DMXL2: variants seen among roughly 807,000 people sequenced by gnomAD.
DMXL2 encodes the protein dmX-like protein 2.
Under a neutral mutation model 331.1 loss-of-function variants are expected in DMXL2, and 103 were observed. That is an observed-to-expected ratio of 0.31 (90% CI 0.27 to 0.37). DMXL2 has a LOEUF of 0.37. DMXL2 is among the 10% of genes least tolerant of loss of function. The pLI is 1.00. For synonymous variants in DMXL2, 1,281 were observed against 1,252.1 expected, an observed-to-expected ratio of 1.02 and a Z score of -0.49; for missense variants, 3,171 against 3,642.9, an observed-to-expected ratio of 0.87 and a Z score of 3.33.
intron 13 of DMXL2, among the ~76,000 whole-genome samples, chr15:51,528,596 A>G (rs1445004145): frequency 6.6e-6 from 1 of 152,182 alleles, no homozygotes; most frequent in African/African-American, 2.4e-5. Flanking sequence ...ATGTATATGC[A>G]CCCAACACTG....
intron 15 of DMXL2, among the ~76,000 whole-genome samples, chr15:51,510,454 T>C (rs1426332183): frequency 2.0e-5 from 3 of 152,138 alleles, no homozygotes; most frequent in African/African-American, 2.4e-5. Context: ...CCATTCACAA[T>C]TGCTACAATG....
chr15:51,568,651 A>G (rs1596289661), intron 2 of DMXL2, 93 bp from the exon 3 acceptor site: 1 of 789,450 alleles, frequency 1.3e-6, no homozygotes, highest in Non-Finnish European at 2.0e-6. Context: ...ATTACATATA[A>G]TCTCAATACA....
chr15:51,568,621 T>G (rs879768822), intron 2 of DMXL2, 63 bp from the exon 3 acceptor site: 25 of 1,060,420 alleles, frequency 2.4e-5, no homozygotes, highest in Non-Finnish European at 3.3e-5. Context: ...ATCTTCCTTT[T>G]CATAATAATG....
At chr15:51,496,984 C>T (rs1369779654) in intron 18 of DMXL2, among the ~76,000 whole-genome samples, 9 of 152,158 alleles carry the variant, frequency 5.9e-5, no homozygotes, top group Non-Finnish European at 1.3e-4. Context: ...TTCTATATTG[C>T]TTAGCCAATG....
chr15:51,594,668 AAATACTGGCAAACC>A (rs2052655445), intron 1 of DMXL2, among the ~76,000 whole-genome samples: 2 of 152,192 alleles, frequency 1.3e-5, no homozygotes, highest in Non-Finnish European at 2.9e-5. Flanking sequence ...ATCCTCAATA[AAATACTGGCAAACC>A]AAATCCAGCA....
At position 51,456,117 on chromosome 15, in the gene DMXL2, T is replaced by C. The variant is rs1191223729; in HGVS notation, c.8475A>G (p.Gln2825=). 2.5e-6 allele frequency: 4 copies of C among 1,614,238 alleles called. No homozygotes were observed. Among genetic ancestry groups the C allele is most frequent in the South Asian group, 1.1e-5 (1 of 91,086 alleles). Reference sequence around the variant, plus strand: ...ATCTAGTAACTCTTGCATTGCCAGCTTGACGAAAGCAGACAAGTTGCTGAG... The same window carrying C: ...ATCTAGTAACTCTTGCATTGCCAGCCTGACGAAAGCAGACAAGTTGCTGAG... The part of the protein sequence containing the change: ...TRPQQLVCFR[Q]AGNARVTRLY... Residue 2825 remains glutamine (Q), a synonymous_variant, in exon 39 of 44, where the codon CAA becomes CAG. Transcript: ENST00000560891.
intron 1 of DMXL2, among the ~76,000 whole-genome samples, chr15:51,586,603 T>A (rs1380837982): frequency 1.3e-5 from 2 of 152,090 alleles, no homozygotes; most frequent in African/African-American, 4.8e-5. Flanking sequence ...ACTAGCCAAT[T>A]TTGATAATTT....
chr15:51,492,078 G>C (rs1179880301), intron 19 of DMXL2, among the ~76,000 whole-genome samples: 1 of 152,192 alleles, frequency 6.6e-6, no homozygotes, highest in Non-Finnish European at 1.5e-5. Flanking sequence ...AATTTATCAA[G>C]AGGTCATAAG....
intron 6 of DMXL2, among the ~76,000 whole-genome samples, chr15:51,558,688 T>C (rs2049758604): frequency 6.6e-6 from 1 of 152,158 alleles, no homozygotes; most frequent in African/African-American, 2.4e-5. Context: ...CAGTAAAATT[T>C]AACGTTTCTA....
chr15:51,494,746 C>T (rs1371623949), intron 19 of DMXL2, among the ~76,000 whole-genome samples: 3 of 152,176 alleles, frequency 2.0e-5, no homozygotes, highest in African/African-American at 7.2e-5. Context: ...TAGACAGCCA[C>T]TTTGGGTTAC....
intron 17 of DMXL2, among the ~76,000 whole-genome samples, 172 bp from the exon 18 acceptor site, chr15:51,500,403 T>C (rs2043505757): frequency 6.6e-6 from 1 of 152,234 alleles, no homozygotes; most frequent in African/African-American, 2.4e-5. Flanking sequence ...TTGGCCAACA[T>C]ATCTATAAAG....
intron 28 of DMXL2, among the ~76,000 whole-genome samples, chr15:51,473,326 ATG>A (rs964681201): frequency 2.6e-5 from 4 of 152,228 alleles, no homozygotes; most frequent in African/African-American, 9.6e-5. Flanking sequence ...AAATATTAAT[ATG>A]TACTGGCAGG....
chr15:51,545,700 A>G lies in DMXL2; in HGVS notation c.813T>C (p.Thr271=), dbSNP rs1641556211. The G allele has an allele frequency of 1.9e-6, 3 of 1,613,614 alleles. No individual in the cohort carries two copies. Among genetic ancestry groups the G allele is most frequent in the Admixed American group, 1.7e-5 (1 of 59,968 alleles). The change falls in exon 8 of 44, where the codon ACT becomes ACC. Residue 271 remains threonine (T), a synonymous_variant. Coordinates refer to ENST00000560891, the MANE Select transcript of DMXL2 (RefSeq NM_001378457.1). ...HDGVCRLWAE[T]LLPEDCLLGE... ...CCAAAAGACAGTCTTCTGGTAATAA[A>G]GTTTCTGCCCAGAGCCGGCACACAC...
At chr15:51,550,520 T>C (rs1001342943) in intron 6 of DMXL2, among the ~76,000 whole-genome samples, 4 of 152,158 alleles carry the variant, frequency 2.6e-5, no homozygotes, top group African/African-American at 9.7e-5. Context: ...ACTTGAAATT[T>C]ACTCTTAGCA....
chr15:51,485,428 G>A (rs571009613), intron 23 of DMXL2, among the ~76,000 whole-genome samples: 30 of 152,282 alleles, frequency 2.0e-4, no homozygotes, highest in African/African-American at 7.2e-4. Flanking sequence ...AAATGGAGGA[G>A]GCAGACATAA....
At position 51,542,342 on chromosome 15, in the gene DMXL2, G is replaced by C; in HGVS notation, c.1096C>G (p.Pro366Ala). 1 of 1,613,046 alleles carries C rather than the reference G, an allele frequency of 6.2e-7. No individual in the cohort carries two copies. The highest frequency in any genetic ancestry group is 1.3e-5 in the African/African-American group (1 of 75,000). Residue 366 changes from proline (P) to alanine (A), a missense_variant, in exon 9 of 44, where the codon CCT becomes GCT. Physicochemically the swap from Pro to Ala is conservative, Grantham distance 27 (BLOSUM62 -1). Transcript: ENST00000560891. ...CHFHIAASIN[P>A]ATDIPNVLVG... is the part of the protein sequence containing the mutation. ...AAACTTTATCCTTTACCTGTGGCAGGGTTGATGCTTGCTGCAATATGAAAA... is the reference window on the plus strand; with the variant it reads ...AAACTTTATCCTTTACCTGTGGCAGCGTTGATGCTTGCTGCAATATGAAAA...
chr15:51,611,151 G>A (rs2053943200), intron 1 of DMXL2, among the ~76,000 whole-genome samples: 1 of 151,954 alleles, frequency 6.6e-6, no homozygotes, highest in African/African-American at 2.4e-5. Flanking sequence ...TAGAAAATAA[G>A]TATATAACAG....
chr15:51,544,172 G>C (rs369069786), intron 8 of DMXL2, among the ~76,000 whole-genome samples: 2 of 152,182 alleles, frequency 1.3e-5, no homozygotes, highest in African/African-American at 4.8e-5. Flanking sequence ...TAAATCTCAT[G>C]TTGAATTGTA....
At chr15:51,459,805 GAAT>G in intron 33 of DMXL2, 145 bp from the exon 34 acceptor site, 1 of 1,194,700 alleles carries the variant, frequency 8.4e-7, no homozygotes, top group Non-Finnish European at 1.1e-6. Flanking sequence ...AAATTAAACC[GAAT>G]AAAACAGTCA....
Sources: allele counts gnomAD v4.1 joint callset (sites outside exome capture counted in the v4.1 genomes callset), GRCh38; gene constraint gnomAD v4.1.1; transcripts MANE v1.5; gene names NCBI Gene and HGNC (gene_info 2026-07-23, HGNC 2026-07-21).